Variants in DCDC2 observed in about 807,000 individuals in gnomAD.
DCDC2 encodes doublecortin domain-containing protein 2.
A neutral mutation model predicts 50.2 loss-of-function variants in DCDC2; 40 were observed. The observed-to-expected ratio is 0.80, with a 90% CI of 0.62 to 1.04. The LOEUF (loss-of-function observed/expected upper bound fraction) is 1.04. Among genes scored for constraint, DCDC2 ranks in the 50% least tolerant of loss-of-function variants. The pLI is 0.00. For synonymous variants in DCDC2, 234 were observed against 210.6 expected, an observed-to-expected ratio of 1.11 and a Z score of -0.96; for missense variants, 570 against 581.9, an observed-to-expected ratio of 0.98 and a Z score of 0.21.
chr6:24,301,573 T>C, intron 4 of DCDC2, 142 bp downstream of exon 4: 1 of 914,680 alleles, frequency 1.1e-6, no homozygotes, highest in Non-Finnish European at 1.7e-6. Flanking sequence ...TATATCTCCA[T>C]TCTACAGATA....
rs190254728 is a variant in DCDC2 at position 24,353,287 on chromosome 6, C to A, written c.348+282G>T. 9.0e-4 allele frequency: 454 copies of A among 503,940 alleles called. 5 individuals carry two copies. In the East Asian group the frequency reaches 0.022, roughly 24 times the overall value. 31.2% of individuals were successfully genotyped at this position (503,940 alleles called of 1,614,324 possible). On this transcript the variant is annotated intron_variant, in intron 2 of 9. Transcript: ENST00000378454. Reference sequence around the variant, plus strand: ...CAGAATCTTCTCACTTGACAGGGAACCTTCCCATGGATTTCAATCAGAGAA... The same window carrying A: ...CAGAATCTTCTCACTTGACAGGGAAACTTCCCATGGATTTCAATCAGAGAA...
chr6:24,309,627 T>A (rs1342547299), intron 2 of DCDC2, among the ~76,000 whole-genome samples: 1 of 152,108 alleles, frequency 6.6e-6, no homozygotes, highest in Non-Finnish European at 1.5e-5. Context: ...GTTTGATGAA[T>A]CTGTTCATAA....
At chr6:24,205,866 T>C (rs898666966) in intron 7 of DCDC2, among the ~76,000 whole-genome samples, 1 of 152,218 alleles carries the variant, frequency 6.6e-6, no homozygotes, top group Admixed American at 6.5e-5. Context: ...TCTGTCCATC[T>C]ACTTGCCTCA....
intron 2 of DCDC2, among the ~76,000 whole-genome samples, chr6:24,318,671 T>G (rs757936209): frequency 1.3e-5 from 2 of 152,102 alleles, no homozygotes; most frequent in Non-Finnish European, 2.9e-5. Flanking sequence ...TCTTCCTGTG[T>G]CTGAGTAGTT....
intron 4 of DCDC2, among the ~76,000 whole-genome samples, chr6:24,294,135 T>C (rs1049417894): frequency 6.6e-6 from 1 of 152,168 alleles, no homozygotes; most frequent in African/African-American, 2.4e-5. Context: ...GCCGGGCAGA[T>C]TGTCTGAGCT....
rs1760514116 is a variant in DCDC2 at position 24,358,002 on chromosome 6, A to C, written c.-252T>G. 7.4e-7 allele frequency: 1 copy of C among 1,359,180 alleles called. No homozygotes were observed. Among genetic ancestry groups the C allele is most frequent in the Non-Finnish European group, 9.8e-7 (1 of 1,016,678 alleles). 84.2% of individuals were successfully genotyped at this position (1,359,180 alleles called of 1,614,324 possible). ...GCGTGCACAGCCAATCAGGACCCGC[A>C]GTGCGCGCACCACACCAGGTTCACC... On this transcript the variant is annotated 5_prime_UTR_variant, in exon 1 of 10. Coordinates refer to ENST00000378454, the MANE Select transcript of DCDC2 (RefSeq NM_016356.5).
At chr6:24,377,938 G>A in the DCDC2 span, among the ~76,000 whole-genome samples, 4 of 152,134 alleles carry the variant, frequency 2.6e-5, no homozygotes, top group South Asian at 6.2e-4. Flanking sequence ...GCAGTGAGCC[G>A]AGATCATGCC....
intron 8 of DCDC2, among the ~76,000 whole-genome samples, chr6:24,201,375 A>C (rs1761583972): frequency 6.6e-6 from 1 of 152,242 alleles, no homozygotes; most frequent in Non-Finnish European, 1.5e-5. Context: ...AAGTACATGG[A>C]AACTGAACAA....
chr6:24,373,778 G>A, the DCDC2 span, among the ~76,000 whole-genome samples: 487 of 152,196 alleles, frequency 3.2e-3, 1 homozygote, highest in Non-Finnish European at 6.4e-3. Flanking sequence ...TTCCTGTTAC[G>A]TATTATTTAG....
intron 7 of DCDC2, among the ~76,000 whole-genome samples, chr6:24,262,654 CT>C (rs771166466): frequency 6.6e-6 from 1 of 152,208 alleles, no homozygotes. Context: ...TGTCTTGCAA[CT>C]TGTACACCAG....
intron 2 of DCDC2, among the ~76,000 whole-genome samples, chr6:24,331,336 T>C (rs1476676504): frequency 6.6e-6 from 1 of 151,902 alleles, no homozygotes; most frequent in African/African-American, 2.4e-5. Flanking sequence ...AGTCTTGCTC[T>C]GTCACCCAGG....
At chr6:24,218,876 G>C (rs1413043060) in intron 7 of DCDC2, among the ~76,000 whole-genome samples, 1 of 152,154 alleles carries the variant, frequency 6.6e-6, no homozygotes. Context: ...TATGATTGGG[G>C]TTCATCAAAT....
At chr6:24,252,643 G>T (rs1396282813) in intron 7 of DCDC2, among the ~76,000 whole-genome samples, 1 of 152,164 alleles carries the variant, frequency 6.6e-6, no homozygotes, top group Admixed American at 6.5e-5. Flanking sequence ...GAATGGTGAG[G>T]GGAGGATGAG....
At chr6:24,358,987 A>T (rs1581671599), upstream of DCDC2, among the ~76,000 whole-genome samples, 5 of 77,004 alleles carry the variant, frequency 6.5e-5, no homozygotes, top group African/African-American at 3.0e-4. Context: ...TACATTATAT[A>T]TTATATATTA....
At chr6:24,379,996 C>T in the DCDC2 span, among the ~76,000 whole-genome samples, 1 of 141,620 alleles carries the variant, frequency 7.1e-6, no homozygotes, top group African/African-American at 2.7e-5. Context: ...ACAACGAGAA[C>T]ACATGGACAC....
intron 2 of DCDC2, among the ~76,000 whole-genome samples, chr6:24,346,293 G>A (rs1760253288): frequency 6.6e-6 from 1 of 152,144 alleles, no homozygotes; most frequent in African/African-American, 2.4e-5. Flanking sequence ...GACAGGAAGA[G>A]GGAAAAAAGA....
chr6:24,193,833 T>C (rs994777617), intron 8 of DCDC2, among the ~76,000 whole-genome samples: 5 of 151,972 alleles, frequency 3.3e-5, no homozygotes, highest in African/African-American at 1.2e-4. Context: ...AGTAATTACA[T>C]AAAAAGTTAA....
In DCDC2 at chr6:24,223,395, G is replaced by A. The variant is rs143461523; in HGVS notation, c.923-18293C>T. Reference sequence around the variant, plus strand: ...CTAACTCTACGCAAACATGAAGAGCGCTTTGTGGTTCCTGCTTCAAATGGC... The same window carrying A: ...CTAACTCTACGCAAACATGAAGAGCACTTTGTGGTTCCTGCTTCAAATGGC... On this transcript the variant is annotated intron_variant, in intron 7 of 9. Transcript: ENST00000378454. 3.2e-3 allele frequency among the ~76,000 whole-genome samples: 490 copies of A among 152,230 alleles called. 6 individuals are homozygous for A. Among genetic ancestry groups the A allele is most frequent in the Non-Finnish European group, 4.9e-3 (336 of 68,024 alleles).
intron 2 of DCDC2, among the ~76,000 whole-genome samples, chr6:24,346,647 G>A (rs984413032): frequency 2.6e-5 from 4 of 151,934 alleles, no homozygotes; most frequent in Non-Finnish European, 4.4e-5. Flanking sequence ...CCCAGCTACT[G>A]GAGGCTAAGG....
Sources: allele counts gnomAD v4.1 joint callset (sites outside exome capture counted in the v4.1 genomes callset), GRCh38; gene constraint gnomAD v4.1.1; transcripts MANE v1.5; gene names NCBI Gene and HGNC (gene_info 2026-07-23, HGNC 2026-07-21).